Variants in DLGAP2 observed in about 807,000 individuals in gnomAD.
DLGAP2 encodes DLG associated protein 2.
In DLGAP2, 26 loss-of-function variants were observed where a neutral mutation model predicts 100.3. The observed-to-expected ratio is 0.26, with a 90% CI of 0.19 to 0.36. The LOEUF is 0.36. Ranked by LOEUF, DLGAP2 falls within the 10% of genes least tolerant of loss-of-function variation. DLGAP2 has a pLI of 1.00. For missense variants in DLGAP2, 1,858 were observed against 1,453.2 expected (o/e 1.28, Z -4.53); for synonymous variants, 886 against 630.1 (o/e 1.41, Z -6.08).
chr8:1,195,086 A>C (rs1264915490), intron 2 of DLGAP2, among the ~76,000 whole-genome samples: 1 of 152,244 alleles, frequency 6.6e-6, no homozygotes, highest in Non-Finnish European at 1.5e-5. Flanking sequence ...AGCTCTTTCC[A>C]GGCCCCCGGC....
At chr8:1,048,800 C>T (rs188385637) in intron 2 of DLGAP2, among the ~76,000 whole-genome samples, 15 of 152,146 alleles carry the variant, frequency 9.9e-5, no homozygotes, top group Non-Finnish European at 1.5e-4. Context: ...TCCTGTGTGC[C>T]TTTCTTCTCT....
intron 2 of DLGAP2, among the ~76,000 whole-genome samples, chr8:1,229,547 T>TC (rs1216783955): frequency 1.3e-5 from 2 of 152,108 alleles, no homozygotes; most frequent in East Asian, 3.9e-4. Flanking sequence ...TCTTTTGTTT[T>TC]TCTGTGGGAT....
chr8:1,666,679 CAA>C (rs1242127349), intron 8 of DLGAP2, among the ~76,000 whole-genome samples: 12 of 122,426 alleles, frequency 9.8e-5, no homozygotes, highest in Non-Finnish European at 1.2e-4. Flanking sequence ...GACTCCATCT[CAA>C]AAAAAAAAAA....
chr8:1,629,929 C>G (rs997075081), intron 7 of DLGAP2, among the ~76,000 whole-genome samples: 6 of 152,112 alleles, frequency 3.9e-5, no homozygotes, highest in Admixed American at 2.6e-4. Context: ...TTGATGAACC[C>G]AAGATGGTAT....
intron 3 of DLGAP2, among the ~76,000 whole-genome samples, chr8:1,465,885 GA>G (rs1277743652): frequency 6.6e-6 from 1 of 152,204 alleles, no homozygotes; most frequent in Non-Finnish European, 1.5e-5. Flanking sequence ...GTGGGTCAGA[GA>G]ATGTCTTTAT....
In DLGAP2 at chr8:1,188,574, C is replaced by G. The variant is rs114093891; in HGVS notation, c.74-70277C>G. On this transcript the variant is annotated intron_variant, in intron 2 of 14. Transcript: ENST00000637795. ...CGCCCGGGATCTCCGTGATGTTTCC[C>G]TCACGGAATCTCACACACCCGGGAC... Among the ~76,000 whole-genome samples the G allele has an allele frequency of 4.2e-3, 632 of 151,988 alleles. 2 individuals carry two copies. Among genetic ancestry groups the G allele is most frequent in the African/African-American group, 0.015 (609 of 41,440 alleles).
intron 6 of DLGAP2, among the ~76,000 whole-genome samples, chr8:1,571,552 T>TG (rs1235464654): frequency 1.8e-4 from 10 of 54,562 alleles, no homozygotes; most frequent in East Asian, 6.6e-4. Flanking sequence ...GAGTGAACTG[T>TG]GGGGTGTCTG....
intron 3 of DLGAP2, among the ~76,000 whole-genome samples, chr8:1,382,697 G>C (rs1348148650): frequency 2.0e-5 from 3 of 152,094 alleles, no homozygotes; most frequent in Non-Finnish European, 4.4e-5. Context: ...AGCCATGATC[G>C]TGCCGCTGCA....
At chr8:1,130,225 C>G (rs1015047563) in intron 2 of DLGAP2, among the ~76,000 whole-genome samples, 3 of 152,132 alleles carry the variant, frequency 2.0e-5, no homozygotes, top group African/African-American at 7.2e-5. Context: ...GACAAACGCA[C>G]TCTGGCCTCT....
intron 3 of DLGAP2, among the ~76,000 whole-genome samples, chr8:1,270,161 T>G (rs1799551084): frequency 6.6e-6 from 1 of 152,120 alleles, no homozygotes; most frequent in Non-Finnish European, 1.5e-5. Context: ...GGGTCTTGTC[T>G]CACCAAGATG....
chr8:1,075,270 C>T (rs76645870), intron 2 of DLGAP2, among the ~76,000 whole-genome samples: 1 of 152,080 alleles, frequency 6.6e-6, no homozygotes, highest in East Asian at 1.9e-4. Context: ...TGTTGAGGAG[C>T]GTGAGGGAAG....
intron 2 of DLGAP2, among the ~76,000 whole-genome samples, chr8:1,072,080 G>C (rs536499627): frequency 1.3e-5 from 2 of 152,194 alleles, no homozygotes; most frequent in African/African-American, 4.8e-5. Flanking sequence ...GCTCCGTCCT[G>C]CCATGAAGTC....
At chr8:947,276 G>C (rs1277378104) in intron 2 of DLGAP2, among the ~76,000 whole-genome samples, 1 of 152,204 alleles carries the variant, frequency 6.6e-6, no homozygotes, top group East Asian at 1.9e-4. Context: ...TCTCGTTCCT[G>C]TCAGGGGCTG....
chr8:1,155,399 C>T (rs1016947769), intron 2 of DLGAP2, among the ~76,000 whole-genome samples: 3 of 152,206 alleles, frequency 2.0e-5, no homozygotes, highest in Non-Finnish European at 4.4e-5. Context: ...GAGCTCTTGC[C>T]AGGGGGCTGC....
Position 1,419,692 on chromosome 8 carries a change from T to C in DLGAP2, c.107-81674T>C, listed in dbSNP as rs369029987. ...TGTCTCACTCCAGTTAGAATGGCGG[T>C]TACCAGAAAGACCAAAAGTAACAGT... On this transcript the variant is annotated intron_variant, in intron 3 of 14. Coordinates refer to ENST00000637795, the MANE Select transcript of DLGAP2 (RefSeq NM_001346810.2). Among the ~76,000 whole-genome samples the C allele has an allele frequency of 2.6e-4, 39 of 152,214 alleles. 1 individual carries two copies. Among genetic ancestry groups the C allele is most frequent in the African/African-American group, 9.2e-4 (38 of 41,516 alleles).
intron 1 of DLGAP2, among the ~76,000 whole-genome samples, chr8:799,442 C>T (rs1397733565): frequency 6.6e-6 from 1 of 152,132 alleles, no homozygotes; most frequent in Non-Finnish European, 1.5e-5. Flanking sequence ...GATGTGCGCT[C>T]TGCTGGGAGT....
At chr8:1,412,632 T>A (rs1460412676) in intron 3 of DLGAP2, among the ~76,000 whole-genome samples, 1 of 152,172 alleles carries the variant, frequency 6.6e-6, no homozygotes, top group Non-Finnish European at 1.5e-5. Flanking sequence ...GAAATGGTGA[T>A]AGCAATGGAG....
At chr8:999,378 G>A (rs572410116) in intron 2 of DLGAP2, among the ~76,000 whole-genome samples, 3 of 151,368 alleles carry the variant, frequency 2.0e-5, no homozygotes, top group Non-Finnish European at 4.4e-5. Context: ...AATTTAAGGT[G>A]ATTATTTTGA....
At chr8:1,269,934 G>T (rs73674903) in intron 3 of DLGAP2, among the ~76,000 whole-genome samples, 24 of 152,300 alleles carry the variant, frequency 1.6e-4, no homozygotes, top group African/African-American at 5.8e-4. Flanking sequence ...TTCATGGACC[G>T]TGGAGAGGCA....
Sources: gnomAD v4.1 joint callset for allele counts (sites outside exome capture counted in the v4.1 genomes callset) on GRCh38, gnomAD v4.1.1 for gene constraint, MANE v1.5 for transcripts, NCBI Gene and HGNC (gene_info 2026-07-23, HGNC 2026-07-21) for gene names.